The following RAVER2 variants were observed in gnomAD, a reference collection of about 807,000 sequenced individuals.
The protein encoded by RAVER2 is ribonucleoprotein PTB-binding 2.
In RAVER2, 46 loss-of-function variants were observed where a neutral mutation model predicts 78.1. The observed-to-expected ratio is 0.59, with a 90% CI of 0.46 to 0.75. The LOEUF is 0.75. Among genes scored for constraint, RAVER2 ranks in the 30% least tolerant of loss-of-function variants. The probability of loss-of-function intolerance (pLI) is 0.00; values close to 1 mark genes in which losing one functional copy is unlikely to be tolerated. For synonymous variants in RAVER2, 311 were observed against 313.3 expected (o/e 0.99, Z 0.08); for missense variants, 793 against 837.5 (o/e 0.95, Z 0.66).
chr1:64,760,512 T>G (rs1031998922), intron 1 of RAVER2, among the ~76,000 whole-genome samples: 3 of 152,086 alleles, frequency 2.0e-5, no homozygotes, highest in African/African-American at 7.2e-5. Context: ...TACCAAGACC[T>G]AAAGACAAGG....
intron 11 of RAVER2, among the ~76,000 whole-genome samples, chr1:64,829,817 TTTGTA>T (rs1273806937): frequency 6.6e-6 from 1 of 152,182 alleles, no homozygotes; most frequent in African/African-American, 2.4e-5. Flanking sequence ...GTGAAGACGC[TTTGTA>T]TTGGTCTGTC....
chr1:64,773,050 C>G (rs1441401514), intron 2 of RAVER2, among the ~76,000 whole-genome samples: 1 of 151,940 alleles, frequency 6.6e-6, no homozygotes, highest in Non-Finnish European at 1.5e-5. Flanking sequence ...GATTCAAGAC[C>G]TATTAGACGG....
At chr1:64,757,299 T>C (rs918406798) in intron 1 of RAVER2, among the ~76,000 whole-genome samples, 1 of 152,168 alleles carries the variant, frequency 6.6e-6, no homozygotes, top group African/African-American at 2.4e-5. Context: ...TCCAAATTGA[T>C]ATGTTGAAGC....
chr1:64,773,785 A>G (rs1409789940), intron 2 of RAVER2, among the ~76,000 whole-genome samples: 8 of 152,206 alleles, frequency 5.3e-5, no homozygotes, highest in Non-Finnish European at 8.8e-5. Context: ...GAACTAATTT[A>G]CACTCCCACC....
chr1:64,754,348 A>C (rs551914167), intron 1 of RAVER2, among the ~76,000 whole-genome samples: 1 of 152,210 alleles, frequency 6.6e-6, no homozygotes, highest in East Asian at 1.9e-4. Flanking sequence ...GGCAAGGATC[A>C]TGTTGTGTTT....
In RAVER2 at chr1:64,811,620, T is replaced by C. The variant is rs367569146; in HGVS notation, c.1681-1118T>C. 2.1e-4 allele frequency among the ~76,000 whole-genome samples: 32 copies of C among 152,328 alleles called. 7 individuals carry two copies. The highest frequency in any genetic ancestry group is 3.9e-4 in the Admixed American group (6 of 15,312). ...GATAAATACTACAGTACTGTAAATG[T>C]GTTTTCCTTATGGTTTTCTTAATAT... On this transcript the variant is annotated intron_variant, in intron 9 of 11. Transcript: ENST00000294428.
At chr1:64,789,646 T>C (rs1054213045) in intron 5 of RAVER2, 132 bp downstream of exon 5, 3 of 719,074 alleles carry the variant, frequency 4.2e-6, no homozygotes, top group Non-Finnish European at 5.6e-6. Flanking sequence ...ATTTAATTTT[T>C]CTAGGACCTG....
intron 5 of RAVER2, among the ~76,000 whole-genome samples, chr1:64,792,536 T>C (rs12028127): frequency 0.048 from 7,260 of 152,308 alleles, 405 homozygotes; most frequent in East Asian, 0.27. Flanking sequence ...AGACTAAATA[T>C]TCTCCACTCT....
chr1:64,759,138 G>T (rs955493087), intron 1 of RAVER2, among the ~76,000 whole-genome samples: 4 of 151,568 alleles, frequency 2.6e-5, no homozygotes, highest in Non-Finnish European at 5.9e-5. Context: ...TTACAAATTA[G>T]GTTAGTGTAC....
chr1:64,773,292 C>T (rs1652370753), intron 2 of RAVER2, among the ~76,000 whole-genome samples: 1 of 152,018 alleles, frequency 6.6e-6, no homozygotes, highest in Non-Finnish European at 1.5e-5. Flanking sequence ...CACCCATCAA[C>T]CCGTCATCTA....
At chr1:64,828,405 A>G (rs1039207992) in intron 11 of RAVER2, among the ~76,000 whole-genome samples, 17 of 152,232 alleles carry the variant, frequency 1.1e-4, no homozygotes, top group African/African-American at 3.9e-4. Flanking sequence ...GATCCTACAA[A>G]TACAAAATAG....
At chr1:64,792,113 CATAA>C (rs960202293) in intron 5 of RAVER2, among the ~76,000 whole-genome samples, 5 of 152,140 alleles carry the variant, frequency 3.3e-5, no homozygotes, top group Non-Finnish European at 7.4e-5. Context: ...TGAAAGTAAA[CATAA>C]ATAGAGATGG....
chr1:64,820,252 A>G (rs796471411), intron 11 of RAVER2, among the ~76,000 whole-genome samples: 20 of 150,522 alleles, frequency 1.3e-4, no homozygotes, highest in African/African-American at 4.5e-4. Flanking sequence ...TTATGAAAAC[A>G]TGTGATTAAG....
intron 1 of RAVER2, among the ~76,000 whole-genome samples, chr1:64,763,844 G>A (rs1053020690): frequency 1.3e-5 from 2 of 151,050 alleles, no homozygotes; most frequent in African/African-American, 2.4e-5. Flanking sequence ...TGGAGGTTGC[G>A]GTGAGCCGAG....
chr1:64,824,394 A>C (rs1653958885), intron 11 of RAVER2, among the ~76,000 whole-genome samples: 1 of 152,230 alleles, frequency 6.6e-6, no homozygotes, highest in African/African-American at 2.4e-5. Flanking sequence ...ATGCAGACAG[A>C]CTTGCCAAAA....
At chr1:64,789,408 C>CTTA in exon 5 of RAVER2, 2 of 1,608,568 alleles carry the variant, frequency 1.2e-6, no homozygotes, top group Non-Finnish European at 1.7e-6. Flanking sequence ...ATCAAAAGGG[C>CTTA]TTACTTCCAG....
Position 64,807,487 on chromosome 1 carries a change from T to G in RAVER2, c.1680+13T>G, listed in dbSNP as rs1315017090. ...GATAAGTTCAGGGGTAAGAAAACTG[T>G]GGGTGCACACAGATGTATATATACA... On this transcript the variant is annotated intron_variant, in intron 9 of 11. Transcript: ENST00000294428. 1 of 1,611,636 alleles carries G rather than the reference T, an allele frequency of 6.2e-7. No individual in the cohort carries two copies. Among genetic ancestry groups the G allele is most frequent in the African/African-American group, 1.3e-5 (1 of 75,008 alleles).
chr1:64,784,541 TA>T (rs1436643034), intron 4 of RAVER2, among the ~76,000 whole-genome samples: 4 of 152,312 alleles, frequency 2.6e-5, no homozygotes, highest in Admixed American at 2.0e-4. Context: ...TTCTTCCTGT[TA>T]TATATGCCTA....
At chr1:64,801,413 A>G (rs1309392381) in intron 5 of RAVER2, among the ~76,000 whole-genome samples, 1 of 151,736 alleles carries the variant, frequency 6.6e-6, no homozygotes, top group Non-Finnish European at 1.5e-5. Context: ...TTTGTATATT[A>G]TGATTATTCC....
Sources: allele counts gnomAD v4.1 joint callset (sites outside exome capture counted in the v4.1 genomes callset), GRCh38; gene constraint gnomAD v4.1.1; transcripts MANE v1.5; gene names NCBI Gene and HGNC (gene_info 2026-07-23, HGNC 2026-07-21).